Variants in GABRB1 observed in about 807,000 individuals in gnomAD.
GABRB1 encodes the protein gamma-aminobutyric acid receptor subunit beta-1.
A neutral mutation model predicts 51.6 loss-of-function variants in GABRB1; 17 were observed. The ratio of observed to expected loss-of-function variants is 0.33; its 90% CI spans 0.23 to 0.49. The LOEUF (loss-of-function observed/expected upper bound fraction) is 0.49. GABRB1 is among the 20% of genes least tolerant of loss of function. The pLI is 0.99. For missense variants in GABRB1, 410 were observed against 600.6 expected (o/e 0.68, Z 3.32); for synonymous variants, 247 against 218.9 (o/e 1.13, Z -1.14).
At chr4:47,203,080 C>T (rs2109799612) in intron 4 of GABRB1, among the ~76,000 whole-genome samples, 1 of 152,264 alleles carries the variant, frequency 6.6e-6, no homozygotes, top group South Asian at 2.1e-4. Context: ...AGTGCTGGCC[C>T]TGTAGGCATT....
chr4:47,183,345 CATATATATAT>C (rs57840134), intron 4 of GABRB1, among the ~76,000 whole-genome samples: 192 of 124,416 alleles, frequency 1.5e-3, no homozygotes, highest in South Asian at 3.4e-3. Flanking sequence ...TGTGTGTGTG[CATATATATAT>C]ATATATATAT....
chr4:47,245,405 T>C (rs1721702018), intron 4 of GABRB1, among the ~76,000 whole-genome samples: 1 of 152,156 alleles, frequency 6.6e-6, no homozygotes, highest in Non-Finnish European at 1.5e-5. Context: ...ATACCAATGT[T>C]CAATTATTCA....
At chr4:47,284,862 A>G (rs529326293) in intron 4 of GABRB1, among the ~76,000 whole-genome samples, 1 of 152,354 alleles carries the variant, frequency 6.6e-6, no homozygotes, top group African/African-American at 2.4e-5. Context: ...ATAATGAAGA[A>G]AAGAGATAGT....
At chr4:47,191,259 G>T (rs1016102057) in intron 4 of GABRB1, among the ~76,000 whole-genome samples, 1 of 152,130 alleles carries the variant, frequency 6.6e-6, no homozygotes, top group East Asian at 1.9e-4. Context: ...TGTGCCTCAA[G>T]ATCCTTTTTT....
chr4:47,018,391 C>T (rs968445162), intron 1 of GABRB1, among the ~76,000 whole-genome samples: 5 of 152,054 alleles, frequency 3.3e-5, no homozygotes, highest in East Asian at 1.9e-4. Context: ...TACATCTAGT[C>T]AATTGTTAAA....
intron 3 of GABRB1, among the ~76,000 whole-genome samples, chr4:47,084,645 G>C (rs184316203): frequency 6.6e-6 from 1 of 152,234 alleles, no homozygotes; most frequent in African/African-American, 2.4e-5. Flanking sequence ...TTACTTTGGG[G>C]TTTCCCTTAC....
chr4:47,239,645 C>A (rs921895137), intron 4 of GABRB1, among the ~76,000 whole-genome samples: 2 of 152,204 alleles, frequency 1.3e-5, no homozygotes, highest in African/African-American at 4.8e-5. Flanking sequence ...TTCAAATTTT[C>A]AGTGTTAATG....
chr4:47,413,146 C>G (rs184134470), intron 8 of GABRB1, among the ~76,000 whole-genome samples: 5 of 152,308 alleles, frequency 3.3e-5, no homozygotes, highest in African/African-American at 1.2e-4. Flanking sequence ...TCAGACTGCT[C>G]TTTGTTAGAA....
At chr4:47,351,215 A>G (rs1189651170) in intron 5 of GABRB1, among the ~76,000 whole-genome samples, 1 of 152,178 alleles carries the variant, frequency 6.6e-6, no homozygotes, top group African/African-American at 2.4e-5. Context: ...GAAAACTGTG[A>G]CATAATCACA....
intron 4 of GABRB1, among the ~76,000 whole-genome samples, chr4:47,275,813 G>A (rs1258377052): frequency 6.6e-6 from 1 of 152,094 alleles, no homozygotes; most frequent in Non-Finnish European, 1.5e-5. Context: ...TTACCTCCTG[G>A]ATAACACTTC....
chr4:47,085,964 G>A (rs1198803235), intron 3 of GABRB1, among the ~76,000 whole-genome samples: 2 of 152,194 alleles, frequency 1.3e-5, no homozygotes, highest in East Asian at 3.8e-4. Flanking sequence ...CGAAGGTGAA[G>A]AAATAGACTC....
At chr4:47,222,871 T>C (rs1025096651) in intron 4 of GABRB1, among the ~76,000 whole-genome samples, 1 of 152,182 alleles carries the variant, frequency 6.6e-6, no homozygotes, top group Non-Finnish European at 1.5e-5. Context: ...TGCAGTTTCT[T>C]TGCAAGCAAA....
At chr4:47,129,464 G>A (rs1716311475) in intron 3 of GABRB1, among the ~76,000 whole-genome samples, 3 of 152,092 alleles carry the variant, frequency 2.0e-5, no homozygotes, top group Non-Finnish European at 4.4e-5. Context: ...ATTCATCATT[G>A]GCAAATATAT....
chr4:47,307,067 G>A (rs1269104356), intron 4 of GABRB1, among the ~76,000 whole-genome samples: 2 of 152,030 alleles, frequency 1.3e-5, no homozygotes, highest in East Asian at 1.9e-4. Flanking sequence ...TTTCTCACCA[G>A]AAGTATGACT....
At chr4:47,419,581 T>G (rs1007558823) in intron 8 of GABRB1, among the ~76,000 whole-genome samples, 1 of 152,220 alleles carries the variant, frequency 6.6e-6, no homozygotes, top group African/African-American at 2.4e-5. Flanking sequence ...TACAGGAGAC[T>G]GTAACATCAA....
At chr4:47,120,608 G>A (rs1164988096) in intron 3 of GABRB1, among the ~76,000 whole-genome samples, 2 of 152,182 alleles carry the variant, frequency 1.3e-5, no homozygotes, top group Non-Finnish European at 2.9e-5. Context: ...CATGTCTCAA[G>A]AGTCTCACTG....
At chr4:47,173,167 TGA>T (rs1380339741) in intron 4 of GABRB1, among the ~76,000 whole-genome samples, 2 of 152,222 alleles carry the variant, frequency 1.3e-5, no homozygotes, top group Non-Finnish European at 2.9e-5. Context: ...TGCTTAAAGC[TGA>T]GTTAGTTGTT....
rs73813519 is a variant in GABRB1 at position 47,375,869 on chromosome 4, G to A, written c.545-27449G>A. ...AGAATCAAGGATAACTCCCAAAGGT[G>A]ACTGGGCGGATGATAGATCCATGAG... On this transcript the variant is annotated intron_variant, in intron 5 of 8. Transcript: ENST00000295454. 5.9e-3 allele frequency among the ~76,000 whole-genome samples: 897 copies of A among 152,298 alleles called. 15 individuals carry two copies. The highest frequency in any genetic ancestry group is 0.02 in the African/African-American group (851 of 41,570).
chr4:47,056,416 TTTGTG>T (rs1726607577), intron 3 of GABRB1, among the ~76,000 whole-genome samples: 1 of 152,156 alleles, frequency 6.6e-6, no homozygotes, highest in Non-Finnish European at 1.5e-5. Context: ...CATACCAAGG[TTTGTG>T]GTAGGACTTC....
Sources: gnomAD v4.1 joint callset for allele counts (sites outside exome capture counted in the v4.1 genomes callset) on GRCh38, gnomAD v4.1.1 for gene constraint, MANE v1.5 for transcripts, NCBI Gene and HGNC (gene_info 2026-07-23, HGNC 2026-07-21) for gene names.